ASB15: variants seen among roughly 807,000 people sequenced by gnomAD.
ASB15 encodes the protein ankyrin repeat and SOCS box containing 15.
In ASB15, 54 loss-of-function variants were observed where a neutral mutation model predicts 58.0. The observed-to-expected ratio is 0.93, with a 90% confidence interval of 0.75 to 1.17. ASB15 has a LOEUF of 1.17. ASB15 is among the 50% of genes most tolerant of loss of function. The pLI, the probability that ASB15 is intolerant of heterozygous loss-of-function variation, is 0.00. For missense variants in ASB15, 680 were observed against 707.4 expected (o/e 0.96, Z 0.44); for synonymous variants, 249 against 262.4 (o/e 0.95, Z 0.50).
chr7:123,591,284 C>G (rs537294875), intron 1 of ASB15, among the ~76,000 whole-genome samples: 3 of 152,170 alleles, frequency 2.0e-5, no homozygotes, highest in African/African-American at 4.8e-5. Context: ...GATTGAATAC[C>G]CTATATTTCT....
chr7:123,609,782 C>A (rs1242257988), intron 3 of ASB15, among the ~76,000 whole-genome samples: 1 of 152,138 alleles, frequency 6.6e-6, no homozygotes, highest in Non-Finnish European at 1.5e-5. Flanking sequence ...TTATCAGCTG[C>A]CTTTACAGGA....
intron 1 of ASB15, chr7:123,567,163 G>A (rs1298000081): frequency 6.6e-6 from 1 of 152,196 alleles, no homozygotes; most frequent in East Asian, 1.9e-4. Flanking sequence ...GAGGGGCAGT[G>A]GCTTGAGAGT....
At chr7:123,620,984 T>C (rs1280645347) in intron 7 of ASB15, among the ~76,000 whole-genome samples, 3 of 152,162 alleles carry the variant, frequency 2.0e-5, no homozygotes, top group Admixed American at 6.5e-5. Flanking sequence ...CAGAATTGTA[T>C]ACTGCTTCAC....
At position 123,614,438 on chromosome 7, in the gene ASB15, C is replaced by G. The variant is rs537645585; in HGVS notation, c.-2-63C>G. On this transcript the variant is annotated intron_variant, in intron 3 of 11. Coordinates refer to ENST00000451215, the MANE Select transcript of ASB15 (RefSeq NM_001290258.2). ...TCACTATGCATTTTTCATGTTTACT[C>G]TATGTACTGTTTTGGGCCATTTCTT... is the stretch of plus-strand genomic sequence containing the variant. The G allele has an allele frequency of 6.1e-6, 6 of 980,250 alleles. No homozygotes were observed. The Admixed American group carries it at 8.3e-5, about 14-fold the overall frequency. The allele number at this position is 980,250 out of a possible 1,614,324, so 60.7% of individuals were successfully genotyped here.
In ASB15 at chr7:123,608,665, T is replaced by G. The variant is rs1800273309; in HGVS notation, c.-3+11T>G. On this transcript the variant is annotated intron_variant, in intron 3 of 11. Coordinates refer to ENST00000451215, the MANE Select transcript of ASB15 (RefSeq NM_001290258.2). ...TGTAACTTATTGCTTGTAAGTAAAA[T>G]TACCTGTGACTGTGGGGTAAAACCC... The G allele has an allele frequency of 6.6e-6, 1 of 152,160 alleles. No individual in the cohort carries two copies. The highest frequency in any genetic ancestry group is 2.1e-4 in the South Asian group (1 of 4,828). The allele number at this position is 152,160 out of a possible 1,614,324, so 9.4% of individuals were successfully genotyped here.
chr7:123,567,605 G>T (rs550516133), intron 1 of ASB15, among the ~76,000 whole-genome samples: 19 of 152,070 alleles, frequency 1.2e-4, no homozygotes, highest in Admixed American at 2.6e-4. Context: ...ATTCTGGAGC[G>T]CTCCTCCACA....
chr7:123,568,638 G>A (rs938044983), intron 1 of ASB15, among the ~76,000 whole-genome samples: 1 of 152,102 alleles, frequency 6.6e-6, no homozygotes, highest in Non-Finnish European at 1.5e-5. Flanking sequence ...TATGGGAAAT[G>A]TTGCTCCTCA....
intron 1 of ASB15, among the ~76,000 whole-genome samples, chr7:123,586,941 A>T (rs1272776774): frequency 2.0e-5 from 3 of 151,022 alleles, no homozygotes; most frequent in Non-Finnish European, 4.4e-5. Context: ...CTTGTTTACT[A>T]TATCTTTGTC....
chr7:123,580,597 A>G (rs961592970), intron 1 of ASB15, among the ~76,000 whole-genome samples: 3 of 152,076 alleles, frequency 2.0e-5, no homozygotes. Flanking sequence ...CCAGAACTGC[A>G]TCATATGGCA....
Position 123,624,595 on chromosome 7 carries a change from G to A in ASB15, c.478G>A (p.Val160Met), listed in dbSNP as rs764061642. 1.2e-6 allele frequency: 2 copies of A among 1,613,240 alleles called. No individual in the cohort carries two copies. Among genetic ancestry groups the A allele is most frequent in the Non-Finnish European group, 1.7e-6 (2 of 1,179,270 alleles). ...TGTGAAAAAGGGCTCCTATGACATG[G>A]TGTCGACTCTGATCAAACATAACAC... ...IAVKKGSYDMVSTLIKHNTSL... is the reference protein window; with the variant it reads ...IAVKKGSYDMMSTLIKHNTSL... Residue 160 changes from valine (V) to methionine (M), a missense_variant, in exon 8 of 12, where the codon GTG becomes ATG. By Grantham distance (21) the Val-to-Met change is conservative. Coordinates refer to ENST00000451215, the MANE Select transcript of ASB15 (RefSeq NM_001290258.2).
intron 11 of ASB15, among the ~76,000 whole-genome samples, chr7:123,634,687 G>A (rs766507244): frequency 1.3e-5 from 2 of 152,152 alleles, no homozygotes; most frequent in Non-Finnish European, 2.9e-5. Context: ...TGTGCCATTA[G>A]TAACTAAAGA....
At chr7:123,579,271 A>G (rs1425362496) in intron 1 of ASB15, among the ~76,000 whole-genome samples, 1 of 151,814 alleles carries the variant, frequency 6.6e-6, no homozygotes, top group Admixed American at 6.6e-5. Context: ...TGGTGTAGAT[A>G]TACTACATTT....
intron 3 of ASB15, among the ~76,000 whole-genome samples, chr7:123,613,020 T>C (rs1800559788): frequency 2.0e-5 from 3 of 152,010 alleles, no homozygotes. Flanking sequence ...TCAGGGAACA[T>C]GCTTGGTGGA....
chr7:123,587,082 T>C (rs1249459150), intron 1 of ASB15, among the ~76,000 whole-genome samples: 1 of 151,750 alleles, frequency 6.6e-6, no homozygotes, highest in East Asian at 1.9e-4. Flanking sequence ...AATTTCAATA[T>C]ATTCCTCCCA....
chr7:123,624,800 A>T lies in ASB15; in HGVS notation c.683A>T (p.His228Leu). 6.2e-7 allele frequency: 1 copy of T among 1,613,926 alleles called. No homozygotes were observed. Among genetic ancestry groups the T allele is most frequent in the Non-Finnish European group, 8.5e-7 (1 of 1,179,902 alleles). The stretch of plus-strand genomic sequence containing the variant: ...TATGGTCACTGTGACGTGTTAGAAC[A>T]TCTAATCCACAAAGGTATGTGAAAA... ...AEYGHCDVLE[H>L]LIHKGGDVLA... is the part of the protein sequence containing the mutation. The change falls in exon 8 of 12, where the codon CAT becomes CTT. Residue 228 changes from histidine (H) to leucine (L), a missense_variant. By Grantham distance (99) the His-to-Leu change is moderately conservative. Coordinates refer to ENST00000451215, the MANE Select transcript of ASB15 (RefSeq NM_001290258.2).
In ASB15 at chr7:123,572,131, C is replaced by CTTT. The variant is rs61198371; in HGVS notation, c.-443+5069_-443+5071dup. ...TGATTTTACAGTGATTGTAGAATTT[C>CTTT]TTTTTTTTTTTTTTTTTTTTTTTTT... On this transcript the variant is annotated intron_variant, in intron 1 of 13. Transcript: ENST00000451558. Among the ~76,000 whole-genome samples, 22 of 47,994 alleles carry CTTT rather than the reference C, an allele frequency of 4.6e-4. 1 individual carries two copies. Among genetic ancestry groups the CTTT allele is most frequent in the African/African-American group, 7.0e-4 (8 of 11,364 alleles). The allele number at this position is 47,994 out of a possible 152,430, so 31.5% of individuals were successfully genotyped here. A position where few individuals can be genotyped will look rare whatever the true frequency, so the allele number is the denominator to read the frequency against.
chr7:123,570,325 C>T (rs1316637739), intron 1 of ASB15, among the ~76,000 whole-genome samples: 1 of 152,026 alleles, frequency 6.6e-6, no homozygotes, highest in South Asian at 2.1e-4. Context: ...CGTGAGCCAC[C>T]GCGCCCAGCC....
Position 123,624,607 on chromosome 7 carries a change from A to T in ASB15, c.490A>T (p.Ile164Phe). ...KGSYDMVSTL[I>F]KHNTSLDQPC... ...CTCCTATGACATGGTGTCGACTCTG[A>T]TCAAACATAACACTAGCCTAGACCA... Residue 164 changes from isoleucine (I) to phenylalanine (F), a missense_variant, in exon 8 of 12, where the codon ATC (isoleucine) becomes TTC (phenylalanine). Ile to Phe is a conservative substitution (Grantham distance 21). Transcript: ENST00000451215. The T allele has an allele frequency of 6.2e-7, 1 of 1,613,760 alleles. No homozygotes were observed. The highest frequency in any genetic ancestry group is 2.2e-5 in the East Asian group (1 of 44,884).
chr7:123,636,086 A>G (rs1331461246), intron 11 of ASB15, among the ~76,000 whole-genome samples: 1 of 152,106 alleles, frequency 6.6e-6, no homozygotes, highest in African/African-American at 2.4e-5. Flanking sequence ...GAGAATACCA[A>G]ACTCACAGAC....
Sources: allele counts gnomAD v4.1 joint callset (sites outside exome capture counted in the v4.1 genomes callset), GRCh38; gene constraint gnomAD v4.1.1; transcripts MANE v1.5; gene names NCBI Gene and HGNC (gene_info 2026-07-23, HGNC 2026-07-21).